Variants in ASMT observed in about 807,000 individuals in gnomAD.
The protein encoded by ASMT is acetylserotonin O-methyltransferase.
In ASMT, 53 loss-of-function variants were observed where a neutral mutation model predicts 41.3. That is an observed-to-expected ratio of 1.28 (90% CI 1.03 to 1.61). ASMT has a LOEUF of 1.61. Ranked by LOEUF, ASMT falls within the 40% of genes most tolerant of loss-of-function variation. The pLI is 0.00. For missense variants in ASMT, 531 were observed against 441.3 expected, an observed-to-expected ratio of 1.20 and a Z score of -1.82; for synonymous variants, 231 against 184.8, an observed-to-expected ratio of 1.25 and a Z score of -2.03.
intron 3 of ASMT, among the ~76,000 whole-genome samples, chrX:1,627,072 C>T (rs1421708092): frequency 6.7e-6 from 1 of 148,448 alleles, no homozygotes; most frequent in African/African-American, 2.5e-5. Context: ...CGCCTGTAAT[C>T]CCAGCACTTT....
intron 3 of ASMT, among the ~76,000 whole-genome samples, chrX:1,627,274 C>A (rs1225257291): frequency 6.7e-6 from 1 of 150,262 alleles, no homozygotes; most frequent in African/African-American, 2.5e-5. Flanking sequence ...TACAGTGAGC[C>A]AAGATCGTGC....
chrX:1,621,480 G>A (rs1362801405), intron 1 of ASMT, among the ~76,000 whole-genome samples: 1 of 151,880 alleles, frequency 6.6e-6, no homozygotes, highest in Non-Finnish European at 1.5e-5. Flanking sequence ...ACCATGCCCA[G>A]CTAATTTTTA....
chrX:1,628,036 ACG>A (rs1227736354), intron 4 of ASMT: 1 of 555,706 alleles, frequency 1.8e-6, no homozygotes, highest in Non-Finnish European at 3.2e-6. Context: ...AAATGGAGGC[ACG>A]CGCCGGGCGC....
chrX:1,631,208 C>G (rs1297659168), intron 5 of ASMT, among the ~76,000 whole-genome samples: 1 of 151,880 alleles, frequency 6.6e-6, no homozygotes, highest in Non-Finnish European at 1.5e-5. Context: ...GCCACTGCGC[C>G]GAGCTCATTT....
At chrX:1,635,099 C>T (rs1294228651) in intron 7 of ASMT, among the ~76,000 whole-genome samples, 5 of 150,688 alleles carry the variant, frequency 3.3e-5, no homozygotes, top group South Asian at 2.1e-4. Flanking sequence ...CTCAGCCTCC[C>T]GAGTAGCTGG....
intron 2 of ASMT, 173 bp downstream of exon 2, chrX:1,623,486 C>G (rs1423338105): frequency 1.4e-5 from 4 of 286,262 alleles, no homozygotes; most frequent in Non-Finnish European, 2.1e-5. Flanking sequence ...GTCATCCCAG[C>G]TACTCAGGAG....
chrX:1,636,197 TCTGC>T, intron 7 of ASMT: 1 of 571,612 alleles, frequency 1.7e-6, no homozygotes, highest in Non-Finnish European at 3.3e-6. Flanking sequence ...GACCTCGTGA[TCTGC>T]CCACCTCCGC....
chrX:1,636,359 A>G, intron 7 of ASMT, 79 bp from the exon 8 acceptor site: 1 of 1,608,480 alleles, frequency 6.2e-7, no homozygotes. Context: ...CATCCAGGTG[A>G]CCTTTTGTGC....
chrX:1,633,927 C>T (rs187050077), intron 7 of ASMT, among the ~76,000 whole-genome samples: 1 of 150,166 alleles, frequency 6.7e-6, no homozygotes, highest in Non-Finnish European at 1.5e-5. Flanking sequence ...TGTGAACCAT[C>T]ACACCCGGCC....
At position 1,636,475 on chromosome X, in the gene ASMT, G is replaced by A. The variant is rs1248223709; in HGVS notation, c.825G>A (p.Leu275=). The A allele has an allele frequency of 6.2e-7, 1 of 1,613,906 alleles. No homozygotes were observed. Among genetic ancestry groups the A allele is most frequent in the East Asian group, 2.2e-5 (1 of 44,874 alleles). ...FFKDPLPEAD[L]YILARVLHDW... ...AAGACCCTCTTCCGGAAGCTGATCTGTACATCCTGGCCAGGGTCCTCCATG... is the reference window on the plus strand; with the variant it reads ...AAGACCCTCTTCCGGAAGCTGATCTATACATCCTGGCCAGGGTCCTCCATG... Residue 275 remains leucine, a synonymous_variant, in exon 8 of 9, where the codon CTG becomes CTA. Coordinates refer to ENST00000381241, the MANE Select transcript of ASMT (RefSeq NM_001171038.2).
chrX:1,621,045 G>A (rs1478723579), intron 1 of ASMT, among the ~76,000 whole-genome samples: 2 of 152,136 alleles, frequency 1.3e-5, no homozygotes, highest in East Asian at 1.9e-4. Flanking sequence ...GCCGTGAGCC[G>A]AGATTGCACC....
chrX:1,629,709 C>G, intron 4 of ASMT, 112 bp from the exon 5 acceptor site: 1 of 972,462 alleles, frequency 1.0e-6, no homozygotes, highest in Non-Finnish European at 1.7e-6. Context: ...GCAAGCCTTC[C>G]AGGTGCACCT....
rs141994035 is a variant in ASMT, at chrX:1,624,357, G to A, written c.333G>A (p.Arg111=). The A allele has an allele frequency of 5.1e-5, 82 of 1,613,872 alleles. 1 individual carries two copies. The South Asian group carries it at 8.0e-4, about 16-fold the overall frequency. The change falls in exon 3 of 9, where the codon AGG becomes AGA. Residue 111 remains arginine, a synonymous_variant. Transcript: ENST00000381241. ...GCAGCATGCTGAAGTACATGGGCAG[G>A]ACCAGCTACCGGTGCTGGGGCCACC... ...SQCSMLKYMG[R]TSYRCWGHLA...
rs1311083654 is a variant in ASMT, at chrX:1,627,880, T to C, written c.443+109T>C. 1.0e-5 allele frequency: 11 copies of C among 1,058,760 alleles called. No homozygotes were observed. In the African/African-American group the frequency reaches 1.4e-4, roughly 13 times the overall value. 65.6% of individuals were successfully genotyped at this position (1,058,760 alleles called of 1,614,324 possible). A position where few individuals can be genotyped will look rare whatever the true frequency, so the allele number is the denominator to read the frequency against. ...CAAATGGCACAACCCAGGAGGAAGC[T>C]GCCATTTAATTTAAAATAACATCCC... On this transcript the variant is annotated intron_variant, in intron 4 of 8. Coordinates refer to ENST00000381241, the MANE Select transcript of ASMT (RefSeq NM_001171038.2).
At chrX:1,616,174 A>ATGT (rs1569367810) in intron 1 of ASMT, among the ~76,000 whole-genome samples, 24 of 143,928 alleles carry the variant, frequency 1.7e-4, no homozygotes, top group Non-Finnish European at 3.2e-4. Flanking sequence ...GATTACAGGC[A>ATGT]CCCACCACCA....
chrX:1,625,933 C>T lies in ASMT; in HGVS notation c.374+1535C>T, dbSNP rs778575103. Among the ~76,000 whole-genome samples, 400 of 120,544 alleles carry T rather than the reference C, an allele frequency of 3.3e-3. 9 individuals are homozygous for T. Among genetic ancestry groups the T allele is most frequent in the East Asian group, 0.03 (120 of 3,940 alleles). The allele number at this position is 120,544 out of a possible 152,430, so 79.1% of individuals were successfully genotyped here. Reference sequence around the variant, plus strand: ...TCGCACCACTGCACTCCAGCCTGGGCGACAGAGCGAGACTCCATCTCAAAA... The same window carrying T: ...TCGCACCACTGCACTCCAGCCTGGGTGACAGAGCGAGACTCCATCTCAAAA... On this transcript the variant is annotated intron_variant, in intron 3 of 8. Coordinates refer to ENST00000381241, the MANE Select transcript of ASMT (RefSeq NM_001171038.2).
intron 5 of ASMT, among the ~76,000 whole-genome samples, chrX:1,631,084 G>GTTT (rs11330880): frequency 5.7e-4 from 82 of 144,440 alleles, no homozygotes; most frequent in Admixed American, 3.4e-3. Flanking sequence ...CTAATTTTTT[G>GTTT]TTTTTTTTTT....
intron 1 of ASMT, among the ~76,000 whole-genome samples, chrX:1,617,604 T>C (rs1217382174): frequency 6.6e-6 from 1 of 151,830 alleles, no homozygotes; most frequent in East Asian, 1.9e-4. Context: ...CACCGGTTTT[T>C]TTTGTTTGTT....
chrX:1,616,885 T>A (rs1934147070), intron 1 of ASMT, among the ~76,000 whole-genome samples: 1 of 151,908 alleles, frequency 6.6e-6, no homozygotes, highest in African/African-American at 2.4e-5. Context: ...ATTTTTTGTA[T>A]TTTTAGTAGA....
Sources: gnomAD v4.1 joint callset for allele counts (sites outside exome capture counted in the v4.1 genomes callset) on GRCh38, gnomAD v4.1.1 for gene constraint, MANE v1.5 for transcripts, NCBI Gene and HGNC (gene_info 2026-07-23, HGNC 2026-07-21) for gene names.